AXL: variants seen among roughly 807,000 people sequenced by gnomAD.
AXL encodes tyrosine-protein kinase receptor UFO.
AXL carries 52 observed loss-of-function variants against 104.5 expected under a neutral mutation model. That is an observed-to-expected ratio of 0.50 (90% CI 0.40 to 0.63). AXL has a LOEUF of 0.63. Among genes scored for constraint, AXL ranks in the 20% least tolerant of loss-of-function variants. AXL has a pLI of 0.00. For synonymous variants in AXL, 455 were observed against 473.7 expected (o/e 0.96, Z 0.51); for missense variants, 1,024 against 1,188.5 (o/e 0.86, Z 2.04).
intron 4 of AXL, among the ~76,000 whole-genome samples, chr19:41,227,473 T>C (rs1208351149): frequency 6.7e-6 from 1 of 150,084 alleles, no homozygotes; most frequent in East Asian, 2.0e-4. Flanking sequence ...CCATCACTAT[T>C]TTGCACCCTG....
At chr19:41,233,287 G>A (rs1460571438) in intron 6 of AXL, among the ~76,000 whole-genome samples, 1 of 152,030 alleles carries the variant, frequency 6.6e-6, no homozygotes, top group African/African-American at 2.4e-5. Context: ...ACCGCGCTGG[G>A]CCCTGAGAAA....
Position 41,259,972 on chromosome 19 carries a change from CTTCCCACT to C in AXL, c.*76_*83del. On this transcript the variant is annotated 3_prime_UTR_variant, in exon 20 of 20. Coordinates refer to ENST00000301178, the MANE Select transcript of AXL (RefSeq NM_021913.5). ...GCACTGCCACTGGGGAAAACTCCAC[CTTCCCACT>C]TTCCCACCCCACGCCTTATCCCCAC... is the stretch of plus-strand genomic sequence containing the variant. 3 of 1,396,480 alleles carry C rather than the reference CTTCCCACT, an allele frequency of 2.1e-6. No individual in the cohort carries two copies. The highest frequency in any genetic ancestry group is 9.6e-7 in the Non-Finnish European group (1 of 1,039,558). 86.5% of individuals were successfully genotyped at this position (1,396,480 alleles called of 1,614,324 possible).
In AXL at chr19:41,256,474, T is replaced by C; in HGVS notation, c.2059T>C (p.Cys687Arg). The stretch of plus-strand genomic sequence containing the variant: ...CAGGCTGAATGAGAACATGTCCGTG[T>C]GTGTGGCGGACTTCGGGCTCTCCAA... ...NCMLNENMSV[C>R]VADFGLSKKI... Residue 687 changes from cysteine (C) to arginine (R), a missense_variant, in exon 18 of 20, where the codon TGT (cysteine) becomes CGT (arginine). Transcript: ENST00000301178. 1 of 1,614,034 alleles carries C rather than the reference T, an allele frequency of 6.2e-7. No individual in the cohort carries two copies. The highest frequency in any genetic ancestry group is 2.2e-5 in the East Asian group (1 of 44,866).
At chr19:41,225,971 G>A (rs73931455) in intron 4 of AXL, among the ~76,000 whole-genome samples, 1,717 of 152,284 alleles carry the variant, frequency 0.011, 43 homozygotes, top group African/African-American at 0.039. Flanking sequence ...GAGAGCAGGG[G>A]TTGTGGGGGG....
At chr19:41,231,946 C>A (rs12973055) in intron 6 of AXL, among the ~76,000 whole-genome samples, 34,023 of 133,514 alleles carry the variant, frequency 0.25, 4,390 homozygotes, top group Non-Finnish European at 0.29. Context: ...AAAGAAACAA[C>A]AACAAAAAAA....
At chr19:41,248,099 T>A (rs1488123301) in intron 12 of AXL, among the ~76,000 whole-genome samples, 1 of 151,146 alleles carries the variant, frequency 6.6e-6, no homozygotes, top group African/African-American at 2.4e-5. Flanking sequence ...ATTTTTGTAT[T>A]TTTTTGTAGA....
chr19:41,221,674 T>C (rs1271442209), intron 3 of AXL: 1 of 574,712 alleles, frequency 1.7e-6, no homozygotes, highest in Non-Finnish European at 3.1e-6. Context: ...AGCTCAGCTA[T>C]CGTGGGGGGT....
intron 18 of AXL, 70 bp downstream of exon 18, chr19:41,256,681 G>C (rs1245879238): frequency 1.3e-6 from 2 of 1,579,394 alleles, no homozygotes; most frequent in Non-Finnish European, 1.7e-6. Context: ...ACTATGCCTG[G>C]GTGGCTGTGG....
intron 4 of AXL, among the ~76,000 whole-genome samples, chr19:41,226,489 C>G (rs1250461423): frequency 6.6e-6 from 1 of 152,220 alleles, no homozygotes; most frequent in Non-Finnish European, 1.5e-5. Flanking sequence ...CCTAGGAAGC[C>G]GCGACTGAGG....
intron 4 of AXL, 112 bp from the exon 5 acceptor site, chr19:41,230,855 T>A: frequency 9.2e-7 from 1 of 1,081,778 alleles, no homozygotes; most frequent in South Asian, 1.3e-5. Context: ...AGTGCCTGTG[T>A]GGGCTGCACT....
intron 18 of AXL, among the ~76,000 whole-genome samples, chr19:41,257,100 A>C (rs908188043): frequency 2.6e-5 from 4 of 152,060 alleles, no homozygotes; most frequent in Admixed American, 1.3e-4. Flanking sequence ...CTGCAGTGCA[A>C]TGGCATGATC....
chr19:41,226,819 C>T, intron 4 of AXL: 3 of 984,960 alleles, frequency 3.0e-6, no homozygotes, highest in Non-Finnish European at 3.6e-6. Context: ...CAGGGCCGGG[C>T]ACCGAGTGGC....
intron 12 of AXL, among the ~76,000 whole-genome samples, chr19:41,247,020 A>G (rs1183851330): frequency 6.8e-6 from 1 of 147,376 alleles, no homozygotes; most frequent in African/African-American, 2.6e-5. Context: ...TCAACAACTA[A>G]ATTAAAACTA....
chr19:41,219,272 T>G lies in AXL; in HGVS notation c.-121T>G, dbSNP rs2033739549. ...CGGTGGCAAGGGCCTCCCCTGCCGCTGTGCCAGGCAGGCAGTGCCAAATCC... is the reference window on the plus strand; with the variant it reads ...CGGTGGCAAGGGCCTCCCCTGCCGCGGTGCCAGGCAGGCAGTGCCAAATCC... On this transcript the variant is annotated 5_prime_UTR_variant, in exon 1 of 20. Transcript: ENST00000301178. The G allele has an allele frequency of 1.1e-6, 1 of 935,370 alleles. No homozygotes were observed. Among genetic ancestry groups the G allele is most frequent in the Admixed American group, 2.9e-5 (1 of 34,606 alleles). The allele number at this position is 935,370 out of a possible 1,614,324, so 57.9% of individuals were successfully genotyped here.
At position 41,239,218 on chromosome 19, in the gene AXL, G is replaced by T. The variant is rs537601446; in HGVS notation, c.1189G>T (p.Gly397Trp). 6.2e-7 allele frequency: 1 copy of T among 1,613,050 alleles called. No individual in the cohort carries two copies. The highest frequency in any genetic ancestry group is 1.3e-5 in the African/African-American group (1 of 74,762). ...GGTGACCCTGGAGCTGCAGGGGGAC[G>T]GGTCTGTGTCCAATCTGACAGTGTG... is the stretch of plus-strand genomic sequence containing the variant. ...QEVTLELQGD[G>W]SVSNLTVCVA... Residue 397 changes from glycine to tryptophan, a missense_variant, in exon 9 of 20, where the codon GGG (glycine) becomes TGG (tryptophan). Gly to Trp is a radical substitution (Grantham distance 184). Around this residue, in one of 5 missense-constraint regions of AXL, gnomAD observed 332 missense variants for 343.9 expected, o/e 0.97. Transcript: ENST00000301178.
intron 4 of AXL, among the ~76,000 whole-genome samples, chr19:41,227,493 T>A (rs2033903088): frequency 6.6e-6 from 1 of 151,360 alleles, no homozygotes; most frequent in African/African-American, 2.4e-5. Flanking sequence ...GGGGCCTTTT[T>A]TTTTTTTTTT....
intron 6 of AXL, among the ~76,000 whole-genome samples, chr19:41,237,388 G>A (rs993383091): frequency 1.4e-4 from 22 of 152,174 alleles, no homozygotes; most frequent in Admixed American, 1.0e-3. Context: ...GATTACAGGC[G>A]AGCGCCACCA....
chr19:41,246,351 G>A (rs2034269465), intron 12 of AXL, among the ~76,000 whole-genome samples: 1 of 151,822 alleles, frequency 6.6e-6, no homozygotes, highest in Non-Finnish European at 1.5e-5. Flanking sequence ...GGAGGCTGAG[G>A]AAAGAGAATC....
chr19:41,219,846 C>A (rs575214330), intron 1 of AXL, among the ~76,000 whole-genome samples: 1 of 151,604 alleles, frequency 6.6e-6, no homozygotes, highest in Non-Finnish European at 1.5e-5. Flanking sequence ...CCGAGTCAGG[C>A]AGTGGGATGA....
Sources: allele counts gnomAD v4.1 joint callset (sites outside exome capture counted in the v4.1 genomes callset), GRCh38; gene constraint gnomAD v4.1.1; regional missense constraint gnomAD v4.1.1; transcripts MANE v1.5; gene names NCBI Gene and HGNC (gene_info 2026-07-23, HGNC 2026-07-21).